The following CFAP20DC variants were observed in gnomAD, a reference collection of about 807,000 sequenced individuals.
The protein encoded by CFAP20DC is protein CFAP20DC.
In CFAP20DC, 84 loss-of-function variants were observed where a neutral mutation model predicts 101.7. That is an observed-to-expected ratio of 0.83 (90% CI 0.69 to 0.99). The LOEUF (loss-of-function observed/expected upper bound fraction) is 0.99. CFAP20DC is among the 50% of genes least tolerant of loss of function. The pLI is 0.00. For missense variants in CFAP20DC, 1,007 were observed against 970.3 expected (o/e 1.04, Z -0.50); for synonymous variants, 359 against 351.2 (o/e 1.02, Z -0.25).
rs62252886 is a variant in CFAP20DC, at chr3:58,848,073, C to T, written c.1971+959G>A. On this transcript the variant is annotated intron_variant, in intron 13 of 16. Coordinates refer to ENST00000482387, the MANE Select transcript of CFAP20DC (RefSeq NM_001394063.1). Reference sequence around the variant, plus strand: ...GGGAGATATACCTAATGCTAGATGACGAGTTAGTGGGTGCAGTGCACCAGC... The same window carrying T: ...GGGAGATATACCTAATGCTAGATGATGAGTTAGTGGGTGCAGTGCACCAGC... Among the ~76,000 whole-genome samples, 57 of 119,312 alleles carry T rather than the reference C, an allele frequency of 4.8e-4. No individual in the cohort carries two copies. The East Asian group carries it at 7.5e-3, about 16-fold the overall frequency. The allele number at this position is 119,312 out of a possible 152,430, so 78.3% of individuals were successfully genotyped here. A position where few individuals can be genotyped will look rare whatever the true frequency, so the allele number is the denominator to read the frequency against.
intron 3 of CFAP20DC, chr3:58,727,873 G>C (rs766053380): frequency 5.3e-5 from 8 of 152,206 alleles, no homozygotes; most frequent in Non-Finnish European, 8.8e-5. Flanking sequence ...TGATGGAGAA[G>C]CCAGCATCTT....
At chr3:58,893,351 C>T (rs1245733614) in intron 6 of CFAP20DC, among the ~76,000 whole-genome samples, 3 of 152,110 alleles carry the variant, frequency 2.0e-5, no homozygotes, top group Non-Finnish European at 1.5e-5. Flanking sequence ...GCCAAAGGAA[C>T]GTTGAATTTT....
rs536282817 is a variant in CFAP20DC at position 58,886,872 on chromosome 3, T to C, written c.551-2163A>G. Among the ~76,000 whole-genome samples, 3 of 152,316 alleles carry C rather than the reference T, an allele frequency of 2.0e-5. No homozygotes were observed. In the East Asian group the frequency reaches 5.8e-4, roughly 29 times the overall value. On this transcript the variant is annotated intron_variant, in intron 6 of 16. Transcript: ENST00000482387. ...ATGTTTGATTTTTATGAGTAAAGTT[T>C]CTGTTTTTAGAATGTAGTGGGAAAT...
At chr3:58,756,427 C>T (rs1235073708) in intron 15 of CFAP20DC, among the ~76,000 whole-genome samples, 1 of 152,030 alleles carries the variant, frequency 6.6e-6, no homozygotes, top group Non-Finnish European at 1.5e-5. Context: ...AAACTGACTT[C>T]GGTTCTTTTT....
chr3:58,948,001 C>G (rs570309851), intron 4 of CFAP20DC, among the ~76,000 whole-genome samples: 1 of 152,318 alleles, frequency 6.6e-6, no homozygotes, highest in South Asian at 2.1e-4. Context: ...GGGGCCTTAA[C>G]TCCCCAGTAT....
chr3:58,855,386 C>G (rs2078680409), intron 12 of CFAP20DC, among the ~76,000 whole-genome samples: 1 of 152,018 alleles, frequency 6.6e-6, no homozygotes, highest in South Asian at 2.1e-4. Context: ...TACACTGTTG[C>G]TGGGACTGTA....
rs975036588 is a variant in CFAP20DC, at chr3:58,864,866, G to C, written c.1259-974C>G. On this transcript the variant is annotated intron_variant, in intron 11 of 16. Transcript: ENST00000482387. This position sits in a 1 kb window ranked among gnomAD's most constrained non-coding sequence, Gnocchi z 4.7. Reference sequence around the variant, plus strand: ...AATGTTTTGATATAAAAACCTTTTAGCACATTATTGTTTTCTTTAAAATAC... The same window carrying C: ...AATGTTTTGATATAAAAACCTTTTACCACATTATTGTTTTCTTTAAAATAC... 6.6e-6 allele frequency among the ~76,000 whole-genome samples: 1 copy of C among 152,122 alleles called. No homozygotes were observed. The highest frequency in any genetic ancestry group is 2.4e-5 in the African/African-American group (1 of 41,430).
intron 4 of CFAP20DC, among the ~76,000 whole-genome samples, chr3:59,005,745 T>C (rs953790964): frequency 2.0e-5 from 3 of 152,204 alleles, no homozygotes; most frequent in Non-Finnish European, 4.4e-5. Context: ...AATGTCTTCA[T>C]CATCTGTTTC....
intron 4 of CFAP20DC, among the ~76,000 whole-genome samples, chr3:59,021,237 A>G (rs2093797097): frequency 6.6e-6 from 1 of 152,140 alleles, no homozygotes; most frequent in African/African-American, 2.4e-5. Context: ...GACAATTTAG[A>G]TAGTATCATT....
rs533791595 is a variant in CFAP20DC, at chr3:58,834,135, T to C, written c.1972-2246A>G. ...TTAGGTCAAAATGATGGTTACAGAATCTTGTGAATATACTAAGAACTCCCG... is the reference window on the plus strand; with the variant it reads ...TTAGGTCAAAATGATGGTTACAGAACCTTGTGAATATACTAAGAACTCCCG... On this transcript the variant is annotated intron_variant, in intron 13 of 16. Transcript: ENST00000482387. 3.3e-5 allele frequency among the ~76,000 whole-genome samples: 5 copies of C among 152,290 alleles called. No individual in the cohort carries two copies. The East Asian group carries it at 5.8e-4, about 18-fold the overall frequency.
chr3:58,765,469 GCCAAAAAAAAAAAAAAAAA>G (rs1455206706), intron 15 of CFAP20DC, among the ~76,000 whole-genome samples: 12 of 62,470 alleles, frequency 1.9e-4, no homozygotes, highest in East Asian at 9.3e-4. Flanking sequence ...ACACATTCTA[GCCAAAAAAAAAAAAAAAAA>G]CCAAAAAAAA....
chr3:59,048,710 A>G (rs189524048), intron 1 of CFAP20DC, among the ~76,000 whole-genome samples: 1 of 152,348 alleles, frequency 6.6e-6, no homozygotes, highest in East Asian at 1.9e-4. Context: ...TAGGTGAATG[A>G]AAAGGCAGAA....
In CFAP20DC at chr3:58,862,294, G is replaced by A. The variant is rs1056463881; in HGVS notation, c.1593+1264C>T. On this transcript the variant is annotated intron_variant, in intron 12 of 16. Transcript: ENST00000482387. ...TAATCAGCCAGTTTAGACCATGGAA[G>A]GATTATCAGCTGGGATGAGGACACT... is the stretch of plus-strand genomic sequence containing the variant. The A allele has an allele frequency of 3.0e-6, 3 of 985,290 alleles. No individual in the cohort carries two copies. In the African/African-American group the frequency reaches 5.2e-5, roughly 17 times the overall value. The allele number at this position is 985,290 out of a possible 1,614,324, so 61.0% of individuals were successfully genotyped here.
chr3:58,870,715 C>T (rs996429730), intron 7 of CFAP20DC, among the ~76,000 whole-genome samples: 1 of 148,450 alleles, frequency 6.7e-6, no homozygotes, highest in African/African-American at 2.5e-5. Flanking sequence ...GGTGAAACCC[C>T]GTCTCTACTA....
At chr3:59,045,247 A>T (rs1699756089) in intron 3 of CFAP20DC, among the ~76,000 whole-genome samples, 1 of 152,026 alleles carries the variant, frequency 6.6e-6, no homozygotes, top group African/African-American at 2.4e-5. Context: ...AAAGCACAGA[A>T]CCTATATAAG....
chr3:58,974,069 G>C (rs780396328), intron 4 of CFAP20DC, among the ~76,000 whole-genome samples: 4 of 152,136 alleles, frequency 2.6e-5, no homozygotes, highest in South Asian at 2.1e-4. Context: ...GAGCAAGTGA[G>C]AGAATGGCAG....
At chr3:59,044,950 C>T (rs1699724173) in intron 3 of CFAP20DC, among the ~76,000 whole-genome samples, 1 of 151,078 alleles carries the variant, frequency 6.6e-6, no homozygotes, top group Non-Finnish European at 1.5e-5. Context: ...TTTATAAGTA[C>T]AAATATATAT....
At chr3:58,890,370 C>T (rs2082080444) in intron 6 of CFAP20DC, among the ~76,000 whole-genome samples, 1 of 143,608 alleles carries the variant, frequency 7.0e-6, no homozygotes, top group South Asian at 2.2e-4. Flanking sequence ...TCCTCACTTC[C>T]CAGTAGGGGC....
intron 5 of CFAP20DC, among the ~76,000 whole-genome samples, chr3:58,928,864 T>A (rs1354571443): frequency 6.6e-6 from 1 of 152,164 alleles, no homozygotes; most frequent in African/African-American, 2.4e-5. Flanking sequence ...CTAATATGAT[T>A]TCTTCATATC....
Sources: gnomAD v4.1 joint callset for allele counts (sites outside exome capture counted in the v4.1 genomes callset) on GRCh38, gnomAD v4.1.1 for gene constraint, Gnocchi (gnomAD v3.1) non-coding constraint, MANE v1.5 for transcripts, NCBI Gene and HGNC (gene_info 2026-07-23, HGNC 2026-07-21) for gene names.